Variants in ACSL1 observed in about 807,000 individuals in gnomAD.
ACSL1 encodes acyl-CoA synthetase long chain family member 1.
A neutral mutation model predicts 98.4 loss-of-function variants in ACSL1; 41 were observed. The observed-to-expected ratio is 0.42, with a 90% CI of 0.32 to 0.54. The LOEUF (loss-of-function observed/expected upper bound fraction) is 0.54, where lower values mean the gene tolerates loss of function less well. Among genes scored for constraint, ACSL1 ranks in the 20% least tolerant of loss-of-function variants. ACSL1 has a pLI of 0.13. For synonymous variants in ACSL1, 316 were observed against 322.7 expected (o/e 0.98, Z 0.22); for missense variants, 734 against 883.1 (o/e 0.83, Z 2.14).
In ACSL1 at chr4:184,768,450, A is replaced by G. The variant is rs746423131; in HGVS notation, c.994T>C (p.Cys332Arg). The change falls in exon 12 of 21, where the codon TGT becomes CGT. Residue 332 changes from cysteine (C) to arginine (R), a missense_variant and splice_region_variant. Cys to Arg is a radical substitution (Grantham distance 180, BLOSUM62 -3). Coordinates refer to ENST00000281455, the MANE Select transcript of ACSL1 (RefSeq NM_001995.5). Reference protein sequence around the residue: ...LAHMFERVVECVMLCHGAKIG... With the variant: ...LAHMFERVVERVMLCHGAKIG... Reference sequence around the variant, plus strand: ...TTAGCTCCATGACACAGCATTACACACTATAGGGGTAATGGAAAAAACAAA... The same window carrying G: ...TTAGCTCCATGACACAGCATTACACGCTATAGGGGTAATGGAAAAAACAAA... 1.2e-5 allele frequency: 19 copies of G among 1,605,166 alleles called. No individual in the cohort carries two copies. In the East Asian group the frequency reaches 4.3e-4, roughly 36 times the overall value.
At position 184,764,841 on chromosome 4, in the gene ACSL1, C is replaced by A. The variant is rs773325257; in HGVS notation, c.1432+12G>T. On this transcript the variant is annotated intron_variant, in intron 15 of 20. Transcript: ENST00000281455. ...TAACAAAATTCCAAAAAGGAGCCTCCTACAGCCATACCTGCGGTCCAGTCT... is the reference window on the plus strand; with the variant it reads ...TAACAAAATTCCAAAAAGGAGCCTCATACAGCCATACCTGCGGTCCAGTCT... 6 of 1,611,954 alleles carry A rather than the reference C, an allele frequency of 3.7e-6. No individual in the cohort carries two copies. In the East Asian group the frequency reaches 1.3e-4, roughly 36 times the overall value.
chr4:184,795,197 C>T (rs776727855), intron 2 of ACSL1, among the ~76,000 whole-genome samples: 1 of 152,220 alleles, frequency 6.6e-6, no homozygotes, highest in Non-Finnish European at 1.5e-5. Context: ...CATCTACTAC[C>T]TTTGGTCAGC....
At chr4:184,822,365 T>C (rs1773124966) in intron 1 of ACSL1, among the ~76,000 whole-genome samples, 1 of 152,150 alleles carries the variant, frequency 6.6e-6, no homozygotes, top group Non-Finnish European at 1.5e-5. Context: ...TCAAGGAGTC[T>C]CCAATATTTC....
At chr4:184,806,911 A>G (rs1771498565) in intron 1 of ACSL1, among the ~76,000 whole-genome samples, 1 of 152,246 alleles carries the variant, frequency 6.6e-6, no homozygotes, top group African/African-American at 2.4e-5. Flanking sequence ...ACATAGGAAA[A>G]CTATAGTCTA....
Position 184,770,398 on chromosome 4 carries a change from C to T in ACSL1, c.993+1G>A. On this transcript the variant is annotated splice_donor_variant, in intron 11 of 20. Transcript: ENST00000281455. LOFTEE classifies it high-confidence loss of function. ...CAAGGAAAACAAAATTAAATGCCTA[C>T]CTCTACAACTCTCTCAAACATATGG... 6.2e-7 allele frequency: 1 copy of T among 1,613,406 alleles called. No individual in the cohort carries two copies. The highest frequency in any genetic ancestry group is 8.5e-7 in the Non-Finnish European group (1 of 1,179,708).
intron 1 of ACSL1, among the ~76,000 whole-genome samples, chr4:184,809,084 G>A (rs907294135): frequency 2.6e-5 from 4 of 152,180 alleles, no homozygotes; most frequent in Non-Finnish European, 5.9e-5. Flanking sequence ...TTTCATTAAA[G>A]TGATCTTATA....
intron 1 of ACSL1, among the ~76,000 whole-genome samples, chr4:184,811,208 A>G (rs965457400): frequency 1.3e-5 from 2 of 151,944 alleles, no homozygotes; most frequent in African/African-American, 2.4e-5. Context: ...TTCTGGGTTC[A>G]CGCCATTCTC....
Position 184,786,949 on chromosome 4 carries a change from C to G in ACSL1, c.310+1668G>C, listed in dbSNP as rs562556484. 5.9e-5 allele frequency among the ~76,000 whole-genome samples: 9 copies of G among 152,270 alleles called. No individual in the cohort carries two copies. In the South Asian group the frequency reaches 1.7e-3, roughly 28 times the overall value. Reference sequence around the variant, plus strand: ...CCTCGTGACCTGCCCGCCTTGGCCTCCCAAAGTGCTGGGATTACAGGTGTG... The same window carrying G: ...CCTCGTGACCTGCCCGCCTTGGCCTGCCAAAGTGCTGGGATTACAGGTGTG... On this transcript the variant is annotated intron_variant, in intron 3 of 20. Transcript: ENST00000281455.
rs566723499 is a variant in ACSL1, at chr4:184,761,479, G to C, written c.1638+928C>G. Among the ~76,000 whole-genome samples the C allele has an allele frequency of 4.5e-3, 682 of 152,252 alleles. 1 individual carries two copies. The highest frequency in any genetic ancestry group is 7.4e-3 in the Non-Finnish European group (505 of 68,024). On this transcript the variant is annotated intron_variant, in intron 17 of 20. Coordinates refer to ENST00000281455, the MANE Select transcript of ACSL1 (RefSeq NM_001995.5). ...GCATCATAATAACTTCGAAACAGCAGATTACTGGTCAAACCAACAGGTAGG... is the reference window on the plus strand; with the variant it reads ...GCATCATAATAACTTCGAAACAGCACATTACTGGTCAAACCAACAGGTAGG...
intron 3 of ACSL1, among the ~76,000 whole-genome samples, chr4:184,786,424 A>ACACACACACACACG (rs1767329168): frequency 3.0e-5 from 3 of 99,256 alleles, no homozygotes; most frequent in African/African-American, 9.0e-5. Context: ...CAAAGCACAC[A>ACACACACACACACG]CACACACACA....
intron 17 of ACSL1, 98 bp downstream of exon 17, chr4:184,762,309 A>G: frequency 1.0e-6 from 1 of 991,648 alleles, no homozygotes; most frequent in Non-Finnish European, 1.6e-6. Context: ...GAGAAAATTC[A>G]GGGTGCCACT....
rs112889722 is a variant in ACSL1, at chr4:184,790,081, T to A, written c.196-1350A>T. Among the ~76,000 whole-genome samples, 705 of 152,052 alleles carry A rather than the reference T, an allele frequency of 4.6e-3. 6 individuals carry two copies. Among genetic ancestry groups the A allele is most frequent in the African/African-American group, 0.016 (677 of 41,456 alleles). On this transcript the variant is annotated intron_variant, in intron 2 of 20. Coordinates refer to ENST00000281455, the MANE Select transcript of ACSL1 (RefSeq NM_001995.5). ...CAAAAAGAAGTGTGGAAAAGCTAGG[T>A]CTCAGAGTAGGGCGGCAGGCTGAGG... is the stretch of plus-strand genomic sequence containing the variant.
At chr4:184,822,958 C>T (rs1773184781) in intron 1 of ACSL1, among the ~76,000 whole-genome samples, 1 of 152,202 alleles carries the variant, frequency 6.6e-6, no homozygotes, top group Non-Finnish European at 1.5e-5. Flanking sequence ...TTCTCCAGTT[C>T]ACTAAGTTCA....
At chr4:184,802,827 G>A (rs1352214911) in intron 2 of ACSL1, among the ~76,000 whole-genome samples, 2 of 152,144 alleles carry the variant, frequency 1.3e-5, no homozygotes, top group East Asian at 1.9e-4. Context: ...TTCTGCAGCC[G>A]TGTTCTTCCG....
At position 184,762,514 on chromosome 4, in the gene ACSL1, T is replaced by A; in HGVS notation, c.1531A>T (p.Lys511Ter). Residue 511 changes from lysine (K) to a stop codon, truncating the protein, a stop_gained, in exon 17 of 21, where the codon AAA (lysine) becomes TAA (stop). Transcript: ENST00000281455. LOFTEE classifies it high-confidence loss of function. ...AAEGEGEVCVKGPNVFQGYLK... is the reference protein window; with the variant it reads ...AAEGEGEVCV The stretch of plus-strand genomic sequence containing the variant: ...TAGCCCTGAAATACATTTGGCCCTT[T>A]CACACACACCTAAAGAAAAGAAGAT... The A allele has an allele frequency of 6.2e-7, 1 of 1,614,008 alleles. No homozygotes were observed. Among genetic ancestry groups the A allele is most frequent in the Non-Finnish European group, 8.5e-7 (1 of 1,179,846 alleles).
chr4:184,765,673 T>C (rs1579841612), intron 14 of ACSL1, among the ~76,000 whole-genome samples: 1 of 152,336 alleles, frequency 6.6e-6, no homozygotes, highest in Non-Finnish European at 1.5e-5. Flanking sequence ...AAAAAAAGTA[T>C]GGGTGGTAAG....
chr4:184,768,107 G>A (rs1019747083), intron 12 of ACSL1: 1 of 518,790 alleles, frequency 1.9e-6, no homozygotes, highest in Non-Finnish European at 3.3e-6. Flanking sequence ...GGTTTACAAA[G>A]TGTGTTCATG....
rs780038025 is a variant in ACSL1, at chr4:184,773,177, A to AAC, written c.842-25_842-24dup. The AAC allele has an allele frequency of 6.3e-7, 1 of 1,599,510 alleles. No individual in the cohort carries two copies. The highest frequency in any genetic ancestry group is 8.6e-7 in the Non-Finnish European group (1 of 1,167,122). ...TGCCTGTGGAGCACATATGAAGCAG[A>AAC]ACAAAGTTAAAGAATGACAGAAATG... On this transcript the variant is annotated intron_variant, in intron 9 of 20. Transcript: ENST00000281455. The surrounding 1 kb of genome is among the most constrained non-coding windows in gnomAD (Gnocchi z 4.3).
At chr4:184,797,742 T>C (rs1047195447) in intron 2 of ACSL1, among the ~76,000 whole-genome samples, 47 of 152,202 alleles carry the variant, frequency 3.1e-4, no homozygotes, top group African/African-American at 1.1e-3. Context: ...TCTCACCCTC[T>C]GCCAAGGACA....
Sources: allele counts gnomAD v4.1 joint callset (sites outside exome capture counted in the v4.1 genomes callset), GRCh38; gene constraint gnomAD v4.1.1; non-coding constraint Gnocchi (gnomAD v3.1); transcripts MANE v1.5; gene names NCBI Gene and HGNC (gene_info 2026-07-23, HGNC 2026-07-21).